OPTN: variants seen among roughly 807,000 people sequenced by gnomAD.
OPTN encodes the protein E3-14.7K-interacting protein.
OPTN carries 54 observed loss-of-function variants against 70.4 expected under a neutral mutation model. The observed-to-expected ratio is 0.77, with a 90% CI of 0.62 to 0.96. The LOEUF (loss-of-function observed/expected upper bound fraction) is 0.96. OPTN is among the 40% of genes least tolerant of loss of function. The pLI is 0.00. For synonymous variants in OPTN, 256 were observed against 248.5 expected, an observed-to-expected ratio of 1.03 and a Z score of -0.28; for missense variants, 624 against 673.2, an observed-to-expected ratio of 0.93 and a Z score of 0.81.
chr10:13,128,502 CTTTTTTTTTTTTTT>C (rs56147136), intron 12 of OPTN, among the ~76,000 whole-genome samples: 10 of 33,486 alleles, frequency 3.0e-4, no homozygotes, highest in East Asian at 1.3e-3. Flanking sequence ...TCAAGCCTGC[CTTTTTTTTTTTTTT>C]TTTTTTTTTT....
intron 7 of OPTN, among the ~76,000 whole-genome samples, chr10:13,120,055 T>C (rs1833310284): frequency 6.7e-6 from 1 of 148,720 alleles, no homozygotes; most frequent in Admixed American, 6.8e-5. Context: ...CAATCTCGGC[T>C]CACTGCAAGC....
intron 4 of OPTN, among the ~76,000 whole-genome samples, chr10:13,110,993 C>T (rs1243715266): frequency 1.3e-5 from 2 of 152,162 alleles, no homozygotes; most frequent in African/African-American, 2.4e-5. Context: ...GAAAGAGACA[C>T]ATTTTTCTTA....
chr10:13,117,450 T>C (rs1166404961), intron 6 of OPTN, among the ~76,000 whole-genome samples: 2 of 42,150 alleles, frequency 4.7e-5, no homozygotes, highest in African/African-American at 1.3e-4. Flanking sequence ...TTTTTTTTTT[T>C]TTTTTTTTTT....
intron 1 of OPTN, among the ~76,000 whole-genome samples, chr10:13,107,334 C>T (rs1832886810): frequency 6.6e-6 from 1 of 150,964 alleles, no homozygotes; most frequent in Non-Finnish European, 1.5e-5. Context: ...GAGATCGCTC[C>T]ACTGCACTCC....
At chr10:13,135,712 A>C (rs1833684695) in intron 14 of OPTN, among the ~76,000 whole-genome samples, 1 of 151,542 alleles carries the variant, frequency 6.6e-6, no homozygotes, top group Non-Finnish European at 1.5e-5. Flanking sequence ...GGGAAGGTAC[A>C]CTCTGTTCTA....
intron 12 of OPTN, among the ~76,000 whole-genome samples, chr10:13,129,211 A>T (rs1833538237): frequency 6.6e-6 from 1 of 152,250 alleles, no homozygotes; most frequent in Non-Finnish European, 1.5e-5. Context: ...CATTTAAGCC[A>T]TCTTTTCTTA....
At position 13,137,346 on chromosome 10, in the gene OPTN, G is replaced by A. The variant is rs562001510; in HGVS notation, c.*480G>A. On this transcript the variant is annotated 3_prime_UTR_variant, in exon 15 of 15. Transcript: ENST00000378747. Reference sequence around the variant, plus strand: ...GGAGAAGAAAAGGTACCTGTTCTACGTAGAACACCTTTGGTGGAGTTCCAT... The same window carrying A: ...GGAGAAGAAAAGGTACCTGTTCTACATAGAACACCTTTGGTGGAGTTCCAT... 1.0e-4 allele frequency: 29 copies of A among 282,582 alleles called. No homozygotes were observed. The highest frequency in any genetic ancestry group is 1.8e-4 in the Non-Finnish European group (26 of 147,174). The allele number at this position is 282,582 out of a possible 1,614,324, so 17.5% of individuals were successfully genotyped here. A position where few individuals can be genotyped will look rare whatever the true frequency, so the allele number is the denominator to read the frequency against.
chr10:13,123,967 GAT>G (rs749225597), intron 8 of OPTN, 26 bp from the exon 9 acceptor site: 28 of 1,499,486 alleles, frequency 1.9e-5, no homozygotes, highest in Non-Finnish European at 2.5e-5. Context: ...TAATTGTACA[GAT>G]ATGTTTGGGA....
chr10:13,134,486 G>A (rs1833657181), intron 14 of OPTN, among the ~76,000 whole-genome samples: 2 of 152,180 alleles, frequency 1.3e-5, no homozygotes, highest in South Asian at 2.1e-4. Flanking sequence ...AGGCTGGAGT[G>A]CAGTGGCATG....
chr10:13,125,809 A>G, intron 10 of OPTN, 137 bp from the exon 11 acceptor site: 1 of 768,852 alleles, frequency 1.3e-6, no homozygotes, highest in Non-Finnish European at 2.2e-6. Context: ...GAGAGTAAGA[A>G]ATGCTAGTAG....
At position 13,118,889 on chromosome 10, in the gene OPTN, G is replaced by A. The variant is rs778855963; in HGVS notation, c.628G>A (p.Ala210Thr). ...GPTRTVSTGTALSKYRSRSAD... is the reference protein window; with the variant it reads ...GPTRTVSTGTTLSKYRSRSAD... Reference sequence around the variant, plus strand: ...CCTTTTAACCTTTATACTGAACAGGGCATTGTCTAAATATAGGAGCAGATC... The same window carrying A: ...CCTTTTAACCTTTATACTGAACAGGACATTGTCTAAATATAGGAGCAGATC... Residue 210 changes from alanine to threonine, a missense_variant and splice_region_variant, in exon 7 of 15, where the codon GCA becomes ACA. Physicochemically the swap from Ala to Thr is moderately conservative, Grantham distance 58. Transcript: ENST00000378747. 3.5e-5 allele frequency: 57 copies of A among 1,613,686 alleles called. No individual in the cohort carries two copies. Among genetic ancestry groups the A allele is most frequent in the Non-Finnish European group, 4.8e-5 (57 of 1,179,756 alleles).
At chr10:13,100,865 C>T (rs1480944518) in intron 1 of OPTN, among the ~76,000 whole-genome samples, 1 of 152,166 alleles carries the variant, frequency 6.6e-6, no homozygotes, top group African/African-American at 2.4e-5. Context: ...AAGTAAACAT[C>T]GCTCAAAGAA....
At position 13,125,454 on chromosome 10, in the gene OPTN, A is replaced by C; in HGVS notation, c.1035A>C (p.Pro345=). Residue 345 remains proline (P), a synonymous_variant, in exon 10 of 15, where the codon CCA becomes CCC. Coordinates refer to ENST00000378747, the MANE Select transcript of OPTN (RefSeq NM_001008212.2). The part of the protein sequence containing the change: ...QALERKNSAI[P]SELNEKQELV... Reference sequence around the variant, plus strand: ...TTGAAAGGAAAAATTCTGCAATTCCATCAGAGTTGAATGAAAAGCAAGAGC... The same window carrying C: ...TTGAAAGGAAAAATTCTGCAATTCCCTCAGAGTTGAATGAAAAGCAAGAGC... 6.2e-7 allele frequency: 1 copy of C among 1,614,178 alleles called. No individual in the cohort carries two copies. Among genetic ancestry groups the C allele is most frequent in the Non-Finnish European group, 8.5e-7 (1 of 1,180,010 alleles).
chr10:13,113,113 C>A (rs575834554), intron 5 of OPTN, among the ~76,000 whole-genome samples: 1 of 152,078 alleles, frequency 6.6e-6, no homozygotes, highest in Non-Finnish European at 1.5e-5. Flanking sequence ...CCTCTGCCTC[C>A]GGGGTTCAAG....
At chr10:13,126,328 T>C (rs1833461577) in intron 11 of OPTN, among the ~76,000 whole-genome samples, 1 of 150,308 alleles carries the variant, frequency 6.7e-6, no homozygotes, top group South Asian at 2.1e-4. Flanking sequence ...TCGCCCAGGC[T>C]GGAGTGCAGT....
intron 6 of OPTN, 129 bp from the exon 7 acceptor site, chr10:13,118,759 A>G (rs1168394760): frequency 1.2e-6 from 1 of 810,486 alleles, no homozygotes; most frequent in African/African-American, 1.7e-5. Context: ...CTTGTTCACT[A>G]GTTGAGAATT....
chr10:13,137,556 G>A lies in OPTN; in HGVS notation c.*690G>A. The A allele has an allele frequency of 4.3e-6, 1 of 230,830 alleles. No homozygotes were observed. The highest frequency in any genetic ancestry group is 6.2e-5 in the East Asian group (1 of 16,176). 14.3% of individuals were successfully genotyped at this position (230,830 alleles called of 1,614,324 possible). A position where few individuals can be genotyped will look rare whatever the true frequency, so the allele number is the denominator to read the frequency against. ...TTAATTTTAAGAACCTTTTAGGGATGCAGGAACAATGAAGTGGCCACAGTA... is the reference window on the plus strand; with the variant it reads ...TTAATTTTAAGAACCTTTTAGGGATACAGGAACAATGAAGTGGCCACAGTA... On this transcript the variant is annotated 3_prime_UTR_variant, in exon 15 of 15. Coordinates refer to ENST00000378747, the MANE Select transcript of OPTN (RefSeq NM_001008212.2).
rs746080607 is a variant in OPTN at position 13,108,189 on chromosome 10, C to G, written c.-112C>G. The G allele has an allele frequency of 6.6e-6, 1 of 152,174 alleles. No individual in the cohort carries two copies. Among genetic ancestry groups the G allele is most frequent in the African/African-American group, 2.4e-5 (1 of 41,434 alleles). 9.4% of individuals were successfully genotyped at this position (152,174 alleles called of 1,614,324 possible). A position where few individuals can be genotyped will look rare whatever the true frequency, so the allele number is the denominator to read the frequency against. The stretch of plus-strand genomic sequence containing the variant: ...ACTTCCTGGCCTTGGATGAGCCGTA[C>G]GCCTCTGTAAACCCAACTTCCTCAC... On this transcript the variant is annotated 5_prime_UTR_variant, in exon 2 of 15. Coordinates refer to ENST00000378747, the MANE Select transcript of OPTN (RefSeq NM_001008212.2).
intron 13 of OPTN, 56 bp downstream of exon 13, chr10:13,132,253 G>A (rs759194531): frequency 2.5e-6 from 4 of 1,598,868 alleles, no homozygotes; most frequent in African/African-American, 1.3e-5. Flanking sequence ...CGTAGAAGAG[G>A]TGCCTGTCCA....
Sources: allele counts gnomAD v4.1 joint callset (sites outside exome capture counted in the v4.1 genomes callset), GRCh38; gene constraint gnomAD v4.1.1; transcripts MANE v1.5; gene names NCBI Gene and HGNC (gene_info 2026-07-23, HGNC 2026-07-21).